The following RIPK4 variants were observed in gnomAD, a reference collection of about 807,000 sequenced individuals.
The protein encoded by RIPK4 is receptor interacting serine/threonine kinase 4, also known as receptor-interacting serine/threonine-protein kinase 4.
RIPK4 carries 17 observed loss-of-function variants against 42.9 expected under a neutral mutation model. The ratio of observed to expected loss-of-function variants is 0.40; its 90% confidence interval spans 0.27 to 0.59. The LOEUF (loss-of-function observed/expected upper bound fraction) is 0.59. Ranked by LOEUF, RIPK4 falls within the 20% of genes least tolerant of loss-of-function variation. The probability of loss-of-function intolerance (pLI) is 0.47; values close to 1 mark genes in which losing one functional copy is unlikely to be tolerated. For synonymous variants in RIPK4, 498 were observed against 499.1 expected (o/e 1.00, Z 0.03); for missense variants, 897 against 1,104.4 (o/e 0.81, Z 2.66).
At chr21:41,758,185 T>C (rs1016958707) in intron 1 of RIPK4, among the ~76,000 whole-genome samples, 3 of 151,674 alleles carry the variant, frequency 2.0e-5, no homozygotes, top group Non-Finnish European at 1.5e-5. Flanking sequence ...ATCACCACTA[T>C]CTACACCCAA....
Position 41,749,560 on chromosome 21 carries a change from C to G in RIPK4, c.624-357G>C, listed in dbSNP as rs544838978. Among the ~76,000 whole-genome samples, 5 of 152,280 alleles carry G rather than the reference C, an allele frequency of 3.3e-5. No homozygotes were observed. The East Asian group carries it at 9.7e-4, about 29-fold the overall frequency. On this transcript the variant is annotated intron_variant, in intron 3 of 7. Coordinates refer to ENST00000332512, the MANE Select transcript of RIPK4 (RefSeq NM_020639.3). The stretch of plus-strand genomic sequence containing the variant: ...GCAAGCACCAGGCACAGAGCACCTG[C>G]GCAGGCATTTACTGAAGAAATGGAT...
intron 3 of RIPK4, 67 bp from the exon 4 acceptor site, chr21:41,749,270 C>T: frequency 6.6e-7 from 1 of 1,508,858 alleles, no homozygotes; most frequent in Admixed American, 1.7e-5. Context: ...CACTCATGCA[C>T]AGCAACAGGC....
At chr21:41,756,041 C>G (rs574562856) in intron 2 of RIPK4, among the ~76,000 whole-genome samples, 2 of 152,238 alleles carry the variant, frequency 1.3e-5, no homozygotes, top group Non-Finnish European at 2.9e-5. Context: ...CAACGAGCCC[C>G]TCCTCACAAG....
At position 41,740,623 on chromosome 21, in the gene RIPK4, C is replaced by T. The variant is rs115041500; in HGVS notation, c.*215G>A. On this transcript the variant is annotated 3_prime_UTR_variant, in exon 8 of 8. Coordinates refer to ENST00000332512, the MANE Select transcript of RIPK4 (RefSeq NM_020639.3). Reference sequence around the variant, plus strand: ...CCCTTCAGACAGCAGGTGCCTAGATCGATGATGGAGCGGGCATGTGCACCT... The same window carrying T: ...CCCTTCAGACAGCAGGTGCCTAGATTGATGATGGAGCGGGCATGTGCACCT... 1.1e-5 allele frequency: 6 copies of T among 569,478 alleles called. No homozygotes were observed. The highest frequency in any genetic ancestry group is 2.9e-5 in the East Asian group (1 of 34,218). The allele number at this position is 569,478 out of a possible 1,614,324, so 35.3% of individuals were successfully genotyped here.
intron 1 of RIPK4, among the ~76,000 whole-genome samples, chr21:41,760,647 A>G (rs781144151): frequency 1.7e-4 from 26 of 152,130 alleles, no homozygotes; most frequent in Non-Finnish European, 3.4e-4. Context: ...GGATGGGTCC[A>G]TTGACTGCAT....
chr21:41,755,133 C>T lies in RIPK4; in HGVS notation c.474+1392G>A, dbSNP rs1197382069. ...GGGAATGGGGGGTCCGCATGTGAGG[C>T]CCAGCCCTGCCCATCACAGGAAACG... On this transcript the variant is annotated intron_variant, in intron 2 of 7. Coordinates refer to ENST00000332512, the MANE Select transcript of RIPK4 (RefSeq NM_020639.3). The surrounding 1 kb of genome is among the most constrained non-coding windows in gnomAD (Gnocchi z 4.2). Among the ~76,000 whole-genome samples the T allele has an allele frequency of 1.3e-5, 2 of 152,162 alleles. No homozygotes were observed. Among genetic ancestry groups the T allele is most frequent in the Admixed American group, 1.3e-4 (2 of 15,276 alleles).
intron 1 of RIPK4, 74 bp from the exon 2 acceptor site, chr21:41,756,890 A>G (rs1488144458): frequency 6.7e-7 from 1 of 1,502,088 alleles, no homozygotes. Context: ...CCCTGGCCAG[A>G]AGACGACCAG....
At chr21:41,757,750 C>T (rs2061208121) in intron 1 of RIPK4, among the ~76,000 whole-genome samples, 1 of 151,186 alleles carries the variant, frequency 6.6e-6, no homozygotes, top group Admixed American at 6.6e-5. Flanking sequence ...CCTGTAATCC[C>T]AGCACTTTGG....
Position 41,755,650 on chromosome 21 carries a change from C to T in RIPK4, c.474+875G>A, listed in dbSNP as rs1184462716. Among the ~76,000 whole-genome samples the T allele has an allele frequency of 6.6e-6, 1 of 152,210 alleles. No individual in the cohort carries two copies. The highest frequency in any genetic ancestry group is 2.4e-5 in the African/African-American group (1 of 41,450). The stretch of plus-strand genomic sequence containing the variant: ...AACTACATGGATCCGGACCATGGCT[C>T]TCGGCTCCTTCTCACTCCCAGGGCA... On this transcript the variant is annotated intron_variant, in intron 2 of 7. Coordinates refer to ENST00000332512, the MANE Select transcript of RIPK4 (RefSeq NM_020639.3). The surrounding 1 kb of genome is among the most constrained non-coding windows in gnomAD (Gnocchi z 4.2).
chr21:41,759,076 T>C (rs2061213307), intron 1 of RIPK4, among the ~76,000 whole-genome samples: 1 of 152,164 alleles, frequency 6.6e-6, no homozygotes, highest in African/African-American at 2.4e-5. Context: ...CATTCCAGGT[T>C]GGGGCTGGAA....
In RIPK4 at chr21:41,741,076, G is replaced by A. The variant is rs1012540354; in HGVS notation, c.2117C>T (p.Ala706Val). The A allele has an allele frequency of 6.2e-6, 10 of 1,611,300 alleles. No homozygotes were observed. The highest frequency in any genetic ancestry group is 1.6e-4 in the Middle Eastern group (1 of 6,080). The change falls in exon 8 of 8, where the codon GCG (alanine) becomes GTG (valine). Residue 706 changes from alanine (A) to valine (V), a missense_variant. Ala to Val is a moderately conservative substitution (Grantham distance 64). Transcript: ENST00000332512. ...VLARGPLNQT[A>V]LHLAAAHGHS... The stretch of plus-strand genomic sequence containing the variant: ...CCCGTGGGCGGCAGCCAGGTGCAGC[G>A]CCGTCTGGTTCAGGGGTCCCCGGGC...
Position 41,756,829 on chromosome 21 carries a change from A to T in RIPK4, c.183-13T>A. 5 of 1,608,960 alleles carry T rather than the reference A, an allele frequency of 3.1e-6. No homozygotes were observed. The highest frequency in any genetic ancestry group is 4.2e-6 in the Non-Finnish European group (5 of 1,176,506). ...CTCCATGCGCTCCCTGAAAAAGTTC[A>T]AAGGCATGAAGAATACGCAATGGTC... is the stretch of plus-strand genomic sequence containing the variant. On this transcript the variant is annotated splice_polypyrimidine_tract_variant and intron_variant, in intron 1 of 7. Coordinates refer to ENST00000332512, the MANE Select transcript of RIPK4 (RefSeq NM_020639.3).
Position 41,751,372 on chromosome 21 carries a change from G to C in RIPK4, c.475-127C>G. The C allele has an allele frequency of 7.8e-7, 1 of 1,275,026 alleles. No homozygotes were observed. The highest frequency in any genetic ancestry group is 2.5e-5 in the East Asian group (1 of 39,508). The allele number at this position is 1,275,026 out of a possible 1,614,324, so 79.0% of individuals were successfully genotyped here. A position where few individuals can be genotyped will look rare whatever the true frequency, so the allele number is the denominator to read the frequency against. On this transcript the variant is annotated intron_variant, in intron 2 of 7. Transcript: ENST00000332512. This position sits in a 1 kb window ranked among gnomAD's most constrained non-coding sequence, Gnocchi z 4.5. ...AGCTTTCCAGGAGCCCCTAAGAGCC[G>C]TGTCTGTGCCTCTCCAGGTAGCCCT... is the stretch of plus-strand genomic sequence containing the variant.
chr21:41,750,522 C>T (rs1042801494), intron 3 of RIPK4, among the ~76,000 whole-genome samples: 1 of 152,146 alleles, frequency 6.6e-6, no homozygotes, highest in African/African-American at 2.4e-5. Flanking sequence ...ATAAAGCCCA[C>T]GGGTCATGAA....
chr21:41,743,862 A>G lies in RIPK4; in HGVS notation c.1195+20T>C. On this transcript the variant is annotated intron_variant, in intron 7 of 7. Coordinates refer to ENST00000332512, the MANE Select transcript of RIPK4 (RefSeq NM_020639.3). Reference sequence around the variant, plus strand: ...CGCCAAGCCCAGCATCTCTCGGGACACAGAGGCGTCCCCACTCACCGCTGG... The same window carrying G: ...CGCCAAGCCCAGCATCTCTCGGGACGCAGAGGCGTCCCCACTCACCGCTGG... 1 of 1,569,266 alleles carries G rather than the reference A, an allele frequency of 6.4e-7. No individual in the cohort carries two copies. The highest frequency in any genetic ancestry group is 1.7e-4 in the Middle Eastern group (1 of 5,828).
At chr21:41,756,392 GCT>G in intron 2 of RIPK4, 131 bp downstream of exon 2, 1 of 1,172,534 alleles carries the variant, frequency 8.5e-7, no homozygotes, top group Non-Finnish European at 1.2e-6. Flanking sequence ...TCGGTTTCAA[GCT>G]CTTTCCTCCA....
chr21:41,744,778 C>T (rs895187865), intron 6 of RIPK4, among the ~76,000 whole-genome samples: 15 of 152,116 alleles, frequency 9.9e-5, no homozygotes, highest in Non-Finnish European at 2.9e-5. Context: ...GTGGGGCTGG[C>T]CTGGGGGCTG....
chr21:41,746,936 C>A, intron 4 of RIPK4, 165 bp from the exon 5 acceptor site: 1 of 708,910 alleles, frequency 1.4e-6, no homozygotes, highest in Non-Finnish European at 2.3e-6. Context: ...CTTCCTGTAA[C>A]CCTCACCCTC....
rs202000939 is a variant in RIPK4 at position 41,741,129 on chromosome 21, C to T, written c.2064G>A (p.Leu688=). Residue 688 remains leucine, a synonymous_variant, in exon 8 of 8, where the codon CTG becomes CTA. Coordinates refer to ENST00000332512, the MANE Select transcript of RIPK4 (RefSeq NM_020639.3). ...ARNGHLATVK[L]LVEEKADVLA... ...GCACATCGGCCTTCTCCTCGACAAGCAGCTTGACAGTGGCCAGGTGTCCGT... is the reference window on the plus strand; with the variant it reads ...GCACATCGGCCTTCTCCTCGACAAGTAGCTTGACAGTGGCCAGGTGTCCGT... 1.5e-5 allele frequency: 24 copies of T among 1,612,864 alleles called. No individual in the cohort carries two copies. Among genetic ancestry groups the T allele is most frequent in the Non-Finnish European group, 1.9e-5 (22 of 1,179,848 alleles).
Sources: allele counts gnomAD v4.1 joint callset (sites outside exome capture counted in the v4.1 genomes callset), GRCh38; gene constraint gnomAD v4.1.1; non-coding constraint Gnocchi (gnomAD v3.1); transcripts MANE v1.5; gene names NCBI Gene and HGNC (gene_info 2026-07-23, HGNC 2026-07-21).